RALYL: variants seen among roughly 807,000 people sequenced by gnomAD.
The protein encoded by RALYL is RALY RNA binding protein like, also known as RNA-binding Raly-like protein.
Under a neutral mutation model 35.1 loss-of-function variants are expected in RALYL, and 29 were observed. The observed-to-expected ratio is 0.83, with a 90% CI of 0.61 to 1.13. The LOEUF is 1.13. Among genes scored for constraint, RALYL ranks in the 50% most tolerant of loss-of-function variants. The pLI is 0.00. For missense variants in RALYL, 359 were observed against 360.4 expected, an observed-to-expected ratio of 1.00 and a Z score of 0.03; for synonymous variants, 120 against 127.6, an observed-to-expected ratio of 0.94 and a Z score of 0.40.
At chr8:84,398,273 A>T (rs773606856) in intron 1 of RALYL, among the ~76,000 whole-genome samples, 1 of 152,034 alleles carries the variant, frequency 6.6e-6, no homozygotes, top group African/African-American at 2.4e-5. Flanking sequence ...TTCTCAGTTA[A>T]CAGAACATTT....
At chr8:84,556,760 G>A (rs937400773) in intron 2 of RALYL, among the ~76,000 whole-genome samples, 1 of 152,084 alleles carries the variant, frequency 6.6e-6, no homozygotes, top group African/African-American at 2.4e-5. Context: ...TTACCACTCT[G>A]TTTCTACTCT....
chr8:84,669,095 C>T (rs1265589499), intron 2 of RALYL, among the ~76,000 whole-genome samples: 1 of 152,122 alleles, frequency 6.6e-6, no homozygotes, highest in Non-Finnish European at 1.5e-5. Flanking sequence ...CTTGGTCCCA[C>T]CCTTTGAAAT....
intron 1 of RALYL, among the ~76,000 whole-genome samples, chr8:84,474,913 G>A (rs1351660101): frequency 1.2e-5 from 1 of 84,842 alleles, no homozygotes; most frequent in Non-Finnish European, 2.1e-5. Flanking sequence ...TTGTTTGTTT[G>A]TTTGTTGTTT....
At chr8:84,236,656 GAC>G (rs1330299601) in intron 1 of RALYL, among the ~76,000 whole-genome samples, 1 of 152,198 alleles carries the variant, frequency 6.6e-6, no homozygotes, top group Non-Finnish European at 1.5e-5. Flanking sequence ...GTGTGTGCCA[GAC>G]ACAGACATTG....
chr8:84,616,850 T>A (rs1819834144), intron 2 of RALYL, among the ~76,000 whole-genome samples: 1 of 151,804 alleles, frequency 6.6e-6, no homozygotes, highest in African/African-American at 2.4e-5. Context: ...AAGTAGGGAA[T>A]CCTTTCCCCA....
intron 1 of RALYL, among the ~76,000 whole-genome samples, chr8:84,513,403 A>G (rs2057785605): frequency 6.6e-6 from 1 of 152,052 alleles, no homozygotes; most frequent in Non-Finnish European, 1.5e-5. Context: ...TTTGGTTAAG[A>G]TTCTTGTTCT....
intron 2 of RALYL, among the ~76,000 whole-genome samples, chr8:84,545,564 T>G (rs2060299512): frequency 6.6e-6 from 1 of 152,206 alleles, no homozygotes; most frequent in Non-Finnish European, 1.5e-5. Flanking sequence ...TGTATTTCCA[T>G]TTGTCCAGAT....
intron 4 of RALYL, among the ~76,000 whole-genome samples, chr8:84,843,345 C>A (rs974615478): frequency 6.6e-6 from 1 of 152,152 alleles, no homozygotes; most frequent in Non-Finnish European, 1.5e-5. Context: ...AGGGCCAAAT[C>A]ATGAGTGACC....
chr8:84,505,639 G>T (rs1166048573), intron 1 of RALYL, among the ~76,000 whole-genome samples: 3 of 151,716 alleles, frequency 2.0e-5, no homozygotes, highest in Non-Finnish European at 4.4e-5. Context: ...GAGGGTTAGG[G>T]TATGAATGAT....
At chr8:84,429,687 T>C (rs1365482310) in intron 1 of RALYL, among the ~76,000 whole-genome samples, 1 of 152,106 alleles carries the variant, frequency 6.6e-6, no homozygotes, top group African/African-American at 2.4e-5. Context: ...ACTGTAAGCA[T>C]TCAAAAATTA....
intron 2 of RALYL, among the ~76,000 whole-genome samples, chr8:84,647,779 C>T (rs1442941439): frequency 6.6e-6 from 1 of 151,942 alleles, no homozygotes; most frequent in Non-Finnish European, 1.5e-5. Flanking sequence ...CATTATTAAA[C>T]AGGAAAGAAG....
chr8:84,351,437 A>G (rs1850861556), intron 1 of RALYL, among the ~76,000 whole-genome samples: 1 of 149,854 alleles, frequency 6.7e-6, no homozygotes, highest in African/African-American at 2.5e-5. Flanking sequence ...CTTAGAATTT[A>G]CAGAATCCTG....
intron 1 of RALYL, among the ~76,000 whole-genome samples, chr8:84,420,586 A>G (rs1487131082): frequency 7.2e-6 from 1 of 139,148 alleles, no homozygotes; most frequent in Non-Finnish European, 1.5e-5. Context: ...TTTTGTTGCC[A>G]TTGCTTTTGG....
chr8:84,545,645 T>C (rs1172401827), intron 2 of RALYL, among the ~76,000 whole-genome samples: 1 of 152,312 alleles, frequency 6.6e-6, no homozygotes, highest in East Asian at 1.9e-4. Flanking sequence ...TTTATTATGT[T>C]TCTGTTTTAA....
chr8:84,591,297 C>T (rs750277203), intron 2 of RALYL, among the ~76,000 whole-genome samples: 17 of 152,016 alleles, frequency 1.1e-4, no homozygotes, highest in African/African-American at 3.6e-4. Flanking sequence ...ACCACAGTTT[C>T]GTGGATGTTA....
chr8:84,202,064 G>A (rs1330391660), intron 1 of RALYL, among the ~76,000 whole-genome samples: 1 of 151,700 alleles, frequency 6.6e-6, no homozygotes, highest in African/African-American at 2.4e-5. Context: ...ATTTTAGTTG[G>A]TTCTTTTTTC....
rs367651557 is a variant in RALYL, at chr8:84,425,203, T to C, written c.-23-104096T>C. On this transcript the variant is annotated intron_variant, in intron 1 of 8. Coordinates refer to ENST00000521268, the MANE Select transcript of RALYL (RefSeq NM_173848.7). ...ACTGCTGTGCTAGCAATCAGCGAGA[T>C]TCCGTGGGCATAGGACCCTCCGAGC... Among the ~76,000 whole-genome samples the C allele has an allele frequency of 1.7e-3, 254 of 152,222 alleles. 2 individuals are homozygous for C. Among genetic ancestry groups the C allele is most frequent in the African/African-American group, 4.5e-3 (187 of 41,550 alleles).
At chr8:84,331,926 A>C (rs1299512794) in intron 1 of RALYL, among the ~76,000 whole-genome samples, 1 of 152,140 alleles carries the variant, frequency 6.6e-6, no homozygotes, top group Non-Finnish European at 1.5e-5. Flanking sequence ...TATTATAGTA[A>C]ACAGGCATAT....
intron 8 of RALYL, among the ~76,000 whole-genome samples, chr8:84,917,188 T>C (rs1016282728): frequency 3.9e-5 from 6 of 152,126 alleles, no homozygotes; most frequent in South Asian, 2.1e-4. Flanking sequence ...AAAGCCCTGT[T>C]GTTTCTTGGT....
Sources: gnomAD v4.1 joint callset for allele counts (sites outside exome capture counted in the v4.1 genomes callset) on GRCh38, gnomAD v4.1.1 for gene constraint, MANE v1.5 for transcripts, NCBI Gene and HGNC (gene_info 2026-07-23, HGNC 2026-07-21) for gene names.